Variants in EXOC4 observed in about 807,000 individuals in gnomAD.
The protein encoded by EXOC4 is exocyst complex component 4, also known as SEC8-like 1.
Under a neutral mutation model 107.2 loss-of-function variants are expected in EXOC4, and 71 were observed. The ratio of observed to expected loss-of-function variants is 0.66; its 90% CI spans 0.55 to 0.81. The LOEUF (loss-of-function observed/expected upper bound fraction) is 0.81, where lower values mean the gene tolerates loss of function less well. Ranked by LOEUF, EXOC4 falls within the 30% of genes least tolerant of loss-of-function variation. EXOC4 has a pLI of 0.00. For missense variants in EXOC4, 1,108 were observed against 1,189.6 expected (o/e 0.93, Z 1.01); for synonymous variants, 456 against 441.2 (o/e 1.03, Z -0.42).
intron 6 of EXOC4, among the ~76,000 whole-genome samples, chr7:133,360,745 G>T (rs923469997): frequency 6.6e-6 from 1 of 152,058 alleles, no homozygotes; most frequent in African/African-American, 2.4e-5. Context: ...TGCACCTCAA[G>T]TTATAGTGAA....
chr7:134,080,026 C>T, the EXOC4 span, among the ~76,000 whole-genome samples: 1 of 152,194 alleles, frequency 6.6e-6, no homozygotes, highest in South Asian at 2.1e-4. Flanking sequence ...GCCATGCTAC[C>T]AGCCCATAGC....
chr7:133,378,086 G>T (rs1796529050), intron 7 of EXOC4, among the ~76,000 whole-genome samples: 1 of 152,026 alleles, frequency 6.6e-6, no homozygotes, highest in Non-Finnish European at 1.5e-5. Flanking sequence ...CGAGGCGGGT[G>T]GATCACGAGG....
intron 9 of EXOC4, among the ~76,000 whole-genome samples, chr7:133,556,056 A>G (rs1423780500): frequency 6.6e-6 from 1 of 152,184 alleles, no homozygotes; most frequent in Non-Finnish European, 1.5e-5. Flanking sequence ...GTCTTGCTGA[A>G]TCACTAAACC....
chr7:133,493,427 ACT>A (rs1799414239), intron 9 of EXOC4, among the ~76,000 whole-genome samples: 1 of 152,244 alleles, frequency 6.6e-6, no homozygotes, highest in East Asian at 1.9e-4. Context: ...ACAAAGCGAT[ACT>A]CTGTCTCAAA....
intron 17 of EXOC4, among the ~76,000 whole-genome samples, chr7:134,018,959 C>G (rs182273915): frequency 1.3e-4 from 20 of 152,262 alleles, no homozygotes; most frequent in Admixed American, 1.2e-3. Context: ...GAGACTGACT[C>G]TTGCTCTGTC....
At chr7:133,667,471 A>G (rs934740141) in intron 10 of EXOC4, among the ~76,000 whole-genome samples, 1 of 152,232 alleles carries the variant, frequency 6.6e-6, no homozygotes, top group African/African-American at 2.4e-5. Context: ...ATGTAAGTGG[A>G]TAGATAAATA....
At chr7:133,656,476 C>A (rs1297701398) in intron 10 of EXOC4, among the ~76,000 whole-genome samples, 1 of 151,854 alleles carries the variant, frequency 6.6e-6, no homozygotes, top group Non-Finnish European at 1.5e-5. Context: ...AAGGTAATAA[C>A]CCCCTCAAAT....
At chr7:133,513,356 C>A (rs1799811424) in intron 9 of EXOC4, among the ~76,000 whole-genome samples, 1 of 152,116 alleles carries the variant, frequency 6.6e-6, no homozygotes, top group South Asian at 2.1e-4. Flanking sequence ...GCACAAGCCA[C>A]CACACCCGGC....
At position 134,051,709 on chromosome 7, in the gene EXOC4, G is replaced by A. The variant is rs111288218; in HGVS notation, c.2688-12582G>A. 5.2e-4 allele frequency among the ~76,000 whole-genome samples: 74 copies of A among 143,318 alleles called. 1 individual carries two copies. Among genetic ancestry groups the A allele is most frequent in the Middle Eastern group, 4.4e-3 (1 of 226 alleles). The allele number at this position is 143,318 out of a possible 152,430, so 94.0% of individuals were successfully genotyped here. A position where few individuals can be genotyped will look rare whatever the true frequency, so the allele number is the denominator to read the frequency against. On this transcript the variant is annotated intron_variant, in intron 17 of 17. Coordinates refer to ENST00000253861, the MANE Select transcript of EXOC4 (RefSeq NM_021807.4). ...AAAAAAAAACTTGGCTACCTGGGCC[G>A]ATGCAGAGGCTCACGCCTGTAATCC... is the stretch of plus-strand genomic sequence containing the variant.
At chr7:133,409,913 C>T (rs922317213) in intron 7 of EXOC4, among the ~76,000 whole-genome samples, 2 of 151,978 alleles carry the variant, frequency 1.3e-5, no homozygotes, top group Non-Finnish European at 2.9e-5. Context: ...AATAATTTTG[C>T]ATTTTTTTGT....
At chr7:134,048,001 G>T (rs1236497159) in intron 17 of EXOC4, among the ~76,000 whole-genome samples, 1 of 152,164 alleles carries the variant, frequency 6.6e-6, no homozygotes, top group African/African-American at 2.4e-5. Flanking sequence ...AATTTGGTGG[G>T]CAAGGGATCA....
rs397890140 is a variant in EXOC4 at position 133,659,000 on chromosome 7, C to CTTTTT, written c.1514+28884_1514+28888dup. On this transcript the variant is annotated intron_variant, in intron 10 of 17. Coordinates refer to ENST00000253861, the MANE Select transcript of EXOC4 (RefSeq NM_021807.4). The stretch of plus-strand genomic sequence containing the variant: ...TGATTTGGTGAAGACTTCAGAGAAG[C>CTTTTT]TTTTTTTTTTTTTTTTTTTTTTTTT... Among the ~76,000 whole-genome samples the CTTTTT allele has an allele frequency of 3.2e-3, 128 of 40,148 alleles. 19 individuals carry two copies. The highest frequency in any genetic ancestry group is 7.9e-3 in the African/African-American group (78 of 9,846). The allele number at this position is 40,148 out of a possible 152,430, so 26.3% of individuals were successfully genotyped here.
chr7:133,454,446 G>T (rs1039529915), intron 7 of EXOC4, among the ~76,000 whole-genome samples: 1 of 152,096 alleles, frequency 6.6e-6, no homozygotes, highest in Non-Finnish European at 1.5e-5. Flanking sequence ...ACAGTTGTGC[G>T]CCACCATGCC....
At chr7:133,790,611 C>T (rs1395431500) in intron 10 of EXOC4, among the ~76,000 whole-genome samples, 1 of 152,234 alleles carries the variant, frequency 6.6e-6, no homozygotes, top group Admixed American at 6.5e-5. Context: ...AATAATTAGG[C>T]AAATTCGTCA....
intron 7 of EXOC4, among the ~76,000 whole-genome samples, chr7:133,462,078 A>G (rs563159743): frequency 3.3e-5 from 5 of 152,238 alleles, no homozygotes; most frequent in Admixed American, 6.5e-5. Flanking sequence ...AAATATTAAT[A>G]TGAACAAATA....
the EXOC4 span, among the ~76,000 whole-genome samples, chr7:134,083,644 CT>C: frequency 2.0e-5 from 3 of 152,142 alleles, no homozygotes; most frequent in Non-Finnish European, 4.4e-5. Flanking sequence ...CATGTGATCT[CT>C]TCAGCAGGGT....
At chr7:133,404,659 G>A (rs150516356) in intron 7 of EXOC4, among the ~76,000 whole-genome samples, 1 of 151,986 alleles carries the variant, frequency 6.6e-6, no homozygotes, top group Admixed American at 6.5e-5. Flanking sequence ...CTTTCTTGGG[G>A]CCATGACTCT....
chr7:133,848,616 A>G (rs1177601288), intron 11 of EXOC4, among the ~76,000 whole-genome samples: 1 of 152,152 alleles, frequency 6.6e-6, no homozygotes, highest in Non-Finnish European at 1.5e-5. Context: ...ACCCCTTATT[A>G]TTCCACGACT....
At chr7:133,528,267 A>T (rs1800117339) in intron 9 of EXOC4, among the ~76,000 whole-genome samples, 1 of 152,156 alleles carries the variant, frequency 6.6e-6, no homozygotes, top group Admixed American at 6.5e-5. Flanking sequence ...CTGAGCCTTG[A>T]TCTCAGGAAC....
Sources: gnomAD v4.1 joint callset for allele counts (sites outside exome capture counted in the v4.1 genomes callset) on GRCh38, gnomAD v4.1.1 for gene constraint, MANE v1.5 for transcripts, NCBI Gene and HGNC (gene_info 2026-07-23, HGNC 2026-07-21) for gene names.